The following KRTAP5-5 variants were observed in gnomAD, a reference collection of about 807,000 sequenced individuals.
KRTAP5-5 encodes keratin-associated protein 5-5.
In KRTAP5-5, 1 loss-of-function variant was observed where a neutral mutation model predicts 2.8. The ratio of observed to expected loss-of-function variants is 0.35; its 90% CI spans 0.13 to 1.67. KRTAP5-5 has a LOEUF of 1.67. Ranked by LOEUF, KRTAP5-5 falls within the 40% of genes most tolerant of loss-of-function variation. KRTAP5-5 has a pLI of 0.35. For synonymous variants in KRTAP5-5, 83 were observed against 110.6 expected (o/e 0.75, Z 1.57); for missense variants, 134 against 270.9 (o/e 0.49, Z 3.55).
Position 1,630,219 on chromosome 11 carries a change from G to A in KRTAP5-5, c.379G>A (p.Gly127Arg), listed in dbSNP as rs750195884. 11 of 326,156 alleles carry A rather than the reference G, an allele frequency of 3.4e-5. No homozygotes were observed. The African/African-American group carries it at 4.9e-4, about 15-fold the overall frequency. 20.2% of individuals were successfully genotyped at this position (326,156 alleles called of 1,614,324 possible). A position where few individuals can be genotyped will look rare whatever the true frequency, so the allele number is the denominator to read the frequency against. ...CTGTGGCTCCTGTGGGGGGTCCAAGGGGGGCTGTGGCTCCTGTGGGGGGTC... is the reference window on the plus strand; with the variant it reads ...CTGTGGCTCCTGTGGGGGGTCCAAGAGGGGCTGTGGCTCCTGTGGGGGGTC... The change falls in exon 1 of 1, where the codon GGG becomes AGG. Residue 127 changes from glycine to arginine, a missense_variant. By Grantham distance (125) the Gly-to-Arg change is moderately radical (BLOSUM62 -2). Transcript: ENST00000399676.
chr11:1,630,098 AG>A lies in KRTAP5-5; in HGVS notation c.263del (p.Gly88AlafsTer163), dbSNP rs1293999095. On this transcript the variant is annotated frameshift_variant, in exon 1 of 1. Coordinates refer to ENST00000399676, the Ensembl canonical transcript of KRTAP5-5. LOFTEE classifies it low-confidence loss of function (END_TRUNC). ...CTTGTTCCTGCTCCAGCTGTGGCAA[AG>A]GGGGCTGTGGCTCTTGCGGGGGCTC... The A allele has an allele frequency of 6.3e-7, 1 of 1,597,574 alleles. No homozygotes were observed. Among genetic ancestry groups the A allele is most frequent in the Non-Finnish European group, 8.5e-7 (1 of 1,174,750 alleles).
In KRTAP5-5 at chr11:1,629,967, G is replaced by T. The variant is rs779225212; in HGVS notation, c.127G>T (p.Gly43Ter). 8.7e-7 allele frequency: 1 copy of T among 1,143,264 alleles called. No homozygotes were observed. Among genetic ancestry groups the T allele is most frequent in the Non-Finnish European group, 1.2e-6 (1 of 855,352 alleles). The allele number at this position is 1,143,264 out of a possible 1,614,324, so 70.8% of individuals were successfully genotyped here. A position where few individuals can be genotyped will look rare whatever the true frequency, so the allele number is the denominator to read the frequency against. ...CTGTGGGGGCTGTGGCTCCGGCTGT[G>T]GAGGCTGTGGGGGCTGTGGCTCCGG... The change falls in exon 1 of 1, where the codon GGA (glycine) becomes TGA (stop). Residue 43 changes from glycine (G) to a stop codon, truncating the protein, a stop_gained. Transcript: ENST00000399676. LOFTEE classifies it low-confidence loss of function (END_TRUNC).
At chr11:1,629,898 G>A (rs1317561586) in exon 1 of KRTAP5-5, 5 of 1,608,604 alleles carry the variant, frequency 3.1e-6, no homozygotes, top group Admixed American at 1.7e-5. Flanking sequence ...CCGTGGCTCC[G>A]GCTGTGGGGG....
At chr11:1,629,960 C>A (rs1395100545) in exon 1 of KRTAP5-5, 1 of 1,417,406 alleles carries the variant, frequency 7.1e-7, no homozygotes, top group East Asian at 2.5e-5. Context: ...GCTGTGGCTC[C>A]GGCTGTGGAG....
downstream of KRTAP5-5, chr11:1,630,728 A>T (rs986643869): frequency 5.4e-5 from 45 of 840,854 alleles, 1 homozygote; most frequent in East Asian, 8.1e-4. Context: ...ATTGCCTACT[A>T]CTTCTCCTGA....
At chr11:1,630,571 T>C (rs2133537185) in exon 1 of KRTAP5-5, 2 of 1,610,430 alleles carry the variant, frequency 1.2e-6, no homozygotes, top group Non-Finnish European at 1.7e-6. Flanking sequence ...GACTGCAGAC[T>C]GCAGGTGGCC....
At chr11:1,630,828 T>A (rs1564965729), downstream of KRTAP5-5, 4 of 589,032 alleles carry the variant, frequency 6.8e-6, no homozygotes, top group Non-Finnish European at 1.2e-5. Flanking sequence ...CCCTGACAGC[T>A]GCTCCTTCTT....
At chr11:1,629,906 G>GGGCCGTGGCTCCGGCTGTGGA in exon 1 of KRTAP5-5, 2 of 1,602,486 alleles carry the variant, frequency 1.2e-6, no homozygotes, top group East Asian at 2.2e-5. Context: ...CCGGCTGTGG[G>GGGCCGTGGCTCCGGCTGTGGA]GGCTGTGGCT....
downstream of KRTAP5-5, chr11:1,630,820 C>T: frequency 1.7e-6 from 1 of 596,356 alleles, no homozygotes; most frequent in Non-Finnish European, 3.1e-6. Context: ...CCCTTAGACC[C>T]TGACAGCTGC....
exon 1 of KRTAP5-5, chr11:1,630,433 G>C (rs1473501605): frequency 1.3e-6 from 2 of 1,595,306 alleles, no homozygotes; most frequent in Non-Finnish European, 1.7e-6. Flanking sequence ...CAGTCCAGCT[G>C]CTGTAAGCCC....
At chr11:1,630,684 G>A in exon 1 of KRTAP5-5, 2 of 1,278,756 alleles carry the variant, frequency 1.6e-6, no homozygotes, top group South Asian at 1.3e-5. Context: ...CCACACCAGT[G>A]CTCCCGAAAC....
chr11:1,629,974 G>GGCTCCGGCTC lies in KRTAP5-5; in HGVS notation c.134_135insGCTCCGGCTC (p.Cys45TrpfsTer139), dbSNP rs1849726038. 2 of 656,170 alleles carry GGCTCCGGCTC rather than the reference G, an allele frequency of 3.0e-6. No homozygotes were observed. Among genetic ancestry groups the GGCTCCGGCTC allele is most frequent in the Non-Finnish European group, 4.2e-6 (2 of 470,726 alleles). 40.6% of individuals were successfully genotyped at this position (656,170 alleles called of 1,614,324 possible). A position where few individuals can be genotyped will look rare whatever the true frequency, so the allele number is the denominator to read the frequency against. On this transcript the variant is annotated frameshift_variant, in exon 1 of 1. Transcript: ENST00000399676. LOFTEE classifies it low-confidence loss of function (END_TRUNC). ...GGCTGTGGCTCCGGCTGTGGAGGCTGTGGGGGCTGTGGCTCCGGCTGTGCG... is the reference window on the plus strand; with the variant it reads ...GGCTGTGGCTCCGGCTGTGGAGGCTGGCTCCGGCTCTGGGGGCTGTGGCTCCGGCTGTGCG...
exon 1 of KRTAP5-5, chr11:1,629,896 C>G (rs1417585311): frequency 6.3e-7 from 1 of 1,597,476 alleles, no homozygotes; most frequent in South Asian, 1.1e-5. Context: ...GGCCGTGGCT[C>G]CGGCTGTGGG....
chr11:1,630,629 T>C, exon 1 of KRTAP5-5: 1 of 1,582,730 alleles, frequency 6.3e-7, no homozygotes, highest in Non-Finnish European at 8.7e-7. Flanking sequence ...CTGGGTTCTC[T>C]GGTGCTCCAC....
chr11:1,630,309 T>G (rs1291786440), exon 1 of KRTAP5-5: 2 of 1,612,654 alleles, frequency 1.2e-6, no homozygotes, highest in African/African-American at 2.7e-5. Flanking sequence ...CTGCTCCCAG[T>G]CCAGCTGCTG....
exon 1 of KRTAP5-5, chr11:1,629,876 C>T (rs1392956239): frequency 8.7e-6 from 14 of 1,608,234 alleles, no homozygotes; most frequent in Admixed American, 3.4e-5. Flanking sequence ...GCTGTGGCTC[C>T]GGCTGTGGAG....
chr11:1,630,704 A>G (rs1309251762), exon 1 of KRTAP5-5: 23 of 1,046,482 alleles, frequency 2.2e-5, no homozygotes, highest in Non-Finnish European at 2.9e-5. Flanking sequence ...CTGACTGAGG[A>G]CCCCTTCTGG....
At chr11:1,630,345 T>C in exon 1 of KRTAP5-5, 1 of 1,612,592 alleles carries the variant, frequency 6.2e-7, no homozygotes, top group Non-Finnish European at 8.5e-7. Context: ...CTCCTCAGGC[T>C]GTGGGTCATC....
chr11:1,629,968 G>GGGGCCTTGGCTC (rs778993095), exon 1 of KRTAP5-5: 1 of 1,084,702 alleles, frequency 9.2e-7, no homozygotes, highest in Admixed American at 2.4e-5. Context: ...TCCGGCTGTG[G>GGGGCCTTGGCTC]AGGCTGTGGG....
Sources: gnomAD v4.1 joint callset for allele counts on GRCh38, gnomAD v4.1.1 for gene constraint, MANE v1.5 for transcripts, NCBI Gene and HGNC (gene_info 2026-07-23, HGNC 2026-07-21) for gene names.